SYNE1: variants seen among roughly 807,000 people sequenced by gnomAD.
SYNE1 encodes the protein spectrin repeat containing nuclear envelope protein 1.
A neutral mutation model predicts 1,111.0 loss-of-function variants in SYNE1; 616 were observed. That is an observed-to-expected ratio of 0.55 (90% CI 0.52 to 0.59). SYNE1 has a LOEUF of 0.59. Ranked by LOEUF, SYNE1 falls within the 20% of genes least tolerant of loss-of-function variation. SYNE1 has a pLI of 0.00. For synonymous variants in SYNE1, 3,855 were observed against 3,825.8 expected (o/e 1.01, Z -0.28); for missense variants, 10,006 against 10,417.0 (o/e 0.96, Z 1.72).
intron 93 of SYNE1, among the ~76,000 whole-genome samples, chr6:152,294,725 C>CA (rs1233749175): frequency 6.0e-5 from 9 of 150,946 alleles, no homozygotes; most frequent in Admixed American, 3.3e-4. Flanking sequence ...AGTATACACA[C>CA]AAAAAAAACA....
chr6:152,189,142 G>A (rs566291074), intron 128 of SYNE1, 110 bp downstream of exon 128: 35 of 1,119,554 alleles, frequency 3.1e-5, no homozygotes, highest in Non-Finnish European at 3.9e-5. Flanking sequence ...TCCTTTGTCC[G>A]TACTAAGAAT....
intron 138 of SYNE1, 64 bp downstream of exon 138, chr6:152,143,559 A>G: frequency 6.2e-7 from 1 of 1,612,012 alleles, no homozygotes. Flanking sequence ...CTGCAGACGA[A>G]CTGTTCTTTG....
chr6:152,249,575 A>C (rs2088489141), intron 104 of SYNE1, among the ~76,000 whole-genome samples: 1 of 152,226 alleles, frequency 6.6e-6, no homozygotes, highest in South Asian at 2.1e-4. Flanking sequence ...CAAACATTGC[A>C]CAGAAATATT....
intron 145 of SYNE1, chr6:152,127,264 C>A (rs1236252266): frequency 4.6e-5 from 7 of 152,124 alleles, no homozygotes; most frequent in Non-Finnish European, 8.8e-5. Context: ...GACCTGGGTT[C>A]AAATCCTACA....
intron 145 of SYNE1, among the ~76,000 whole-genome samples, chr6:152,124,448 C>T (rs983243215): frequency 2.0e-5 from 3 of 152,200 alleles, no homozygotes; most frequent in African/African-American, 7.2e-5. Context: ...ACACAAGTAA[C>T]GGCAGGGTAA....
At position 152,323,632 on chromosome 6, in the gene SYNE1, C is replaced by T. The variant is rs767661502; in HGVS notation, c.15763G>A (p.Asp5255Asn). 5 of 1,614,094 alleles carry T rather than the reference C, an allele frequency of 3.1e-6. No homozygotes were observed. Among genetic ancestry groups the T allele is most frequent in the Admixed American group, 1.7e-5 (1 of 60,000 alleles). The change falls in exon 82 of 146, where the codon GAC becomes AAC. Residue 5255 changes from aspartate to asparagine, a missense_variant. Physicochemically the swap from Asp to Asn is conservative, Grantham distance 23. Transcript: ENST00000367255. ...AELLTLLEYHDTFVLELEQQQ... is the reference protein window; with the variant it reads ...AELLTLLEYHNTFVLELEQQQ... ...TGCTCCAGCTCCAGAACGAACGTGTCGTGGTATTCAAGAAGAGTTAAGAGC... is the reference window on the plus strand; with the variant it reads ...TGCTCCAGCTCCAGAACGAACGTGTTGTGGTATTCAAGAAGAGTTAAGAGC...
At chr6:152,377,086 C>T (rs1348580607) in intron 56 of SYNE1, among the ~76,000 whole-genome samples, 174 bp from the exon 57 acceptor site, 1 of 152,118 alleles carries the variant, frequency 6.6e-6, no homozygotes, top group Non-Finnish European at 1.5e-5. Context: ...AATAATAGCA[C>T]CTGGCTCATT....
intron 95 of SYNE1, among the ~76,000 whole-genome samples, chr6:152,284,610 ATTTTTTTTTT>A (rs760978831): frequency 7.4e-5 from 8 of 108,150 alleles, no homozygotes; most frequent in African/African-American, 2.2e-4. Context: ...ACACCTGGTA[ATTTTTTTTTT>A]TTTTTTTTTT....
chr6:152,429,033 A>G (rs2098402336), intron 36 of SYNE1, among the ~76,000 whole-genome samples: 1 of 151,284 alleles, frequency 6.6e-6, no homozygotes, highest in Non-Finnish European at 1.5e-5. Flanking sequence ...AATCACTCCA[A>G]AAAATACATA....
chr6:152,142,720 A>G (rs1308492200), intron 138 of SYNE1, among the ~76,000 whole-genome samples: 1 of 152,252 alleles, frequency 6.6e-6, no homozygotes, highest in Admixed American at 6.5e-5. Flanking sequence ...TGGTTTCACT[A>G]TAATAGAAGT....
intron 115 of SYNE1, among the ~76,000 whole-genome samples, chr6:152,228,451 C>G (rs12528883): frequency 0.24 from 36,529 of 151,618 alleles, 4,694 homozygotes; most frequent in East Asian, 0.51. Context: ...AGGTGTCTCC[C>G]TGTTAAATAG....
At chr6:152,278,846 C>A (rs764558938) in intron 97 of SYNE1, among the ~76,000 whole-genome samples, 1 of 152,082 alleles carries the variant, frequency 6.6e-6, no homozygotes, top group Non-Finnish European at 1.5e-5. Context: ...TGGCTCACTG[C>A]GGCCTCCATC....
chr6:152,526,309 T>C, intron 4 of SYNE1, 134 bp from the exon 5 acceptor site: 1 of 860,394 alleles, frequency 1.2e-6, no homozygotes, highest in Non-Finnish European at 1.9e-6. Flanking sequence ...TTCTTTATTT[T>C]GGATTGAGTT....
At chr6:152,486,932 C>G (rs994207884) in intron 12 of SYNE1, among the ~76,000 whole-genome samples, 7 of 152,202 alleles carry the variant, frequency 4.6e-5, no homozygotes, top group African/African-American at 1.7e-4. Context: ...GAATATATTA[C>G]AGAATATAAT....
chr6:152,231,032 G>T (rs73005444), intron 114 of SYNE1, among the ~76,000 whole-genome samples: 3 of 152,058 alleles, frequency 2.0e-5, no homozygotes, highest in Non-Finnish European at 2.9e-5. Flanking sequence ...GTCCTGGGCC[G>T]CATGCAGCCC....
At chr6:152,205,079 A>T (rs1587768655) in intron 126 of SYNE1, among the ~76,000 whole-genome samples, 1 of 152,144 alleles carries the variant, frequency 6.6e-6, no homozygotes, top group South Asian at 2.1e-4. Flanking sequence ...TACTACACAG[A>T]AGGCAATATA....
In SYNE1 at chr6:152,236,870, C is replaced by T. The variant is rs1450779018; in HGVS notation, c.20146G>A (p.Gly6716Ser). 1 of 1,614,136 alleles carries T rather than the reference C, an allele frequency of 6.2e-7. No individual in the cohort carries two copies. Among genetic ancestry groups the T allele is most frequent in the Non-Finnish European group, 8.5e-7 (1 of 1,180,024 alleles). The stretch of plus-strand genomic sequence containing the variant: ...CTGTCCTCGTTCTCCTCCACCAGAC[C>T]CACGCTTGGGATGCTGCTTTCCACC... The part of the protein sequence containing the change: ...EVVESSIPSV[G>S]LVEENEDRLI... Residue 6716 changes from glycine (G) to serine (S), a missense_variant, in exon 109 of 146, where the codon GGT becomes AGT. Gly to Ser is a moderately conservative substitution (Grantham distance 56). Around this residue, in one of 7 missense-constraint regions of SYNE1, gnomAD observed 2,182 missense variants for 2,287.8 expected, o/e 0.95. Transcript: ENST00000367255.
In SYNE1 at chr6:152,166,249, C is replaced by T. The variant is rs145589487; in HGVS notation, c.23628-1924G>A. Among the ~76,000 whole-genome samples the T allele has an allele frequency of 1.5e-4, 23 of 152,330 alleles. 1 individual carries two copies. In the East Asian group the frequency reaches 4.0e-3, roughly 27 times the overall value. On this transcript the variant is annotated intron_variant, in intron 130 of 145. Transcript: ENST00000367255. Reference sequence around the variant, plus strand: ...TGTGAATTTCTATATTTGGCTATTTCCCTACCCCGGCCATGCTAAACTCAG... The same window carrying T: ...TGTGAATTTCTATATTTGGCTATTTTCCTACCCCGGCCATGCTAAACTCAG...
chr6:152,510,516 G>T (rs1331292130), intron 7 of SYNE1, 145 bp from the exon 8 acceptor site: 2 of 887,778 alleles, frequency 2.3e-6, no homozygotes, highest in East Asian at 2.6e-5. Flanking sequence ...GGGCATGATT[G>T]ATATCTTACT....
Sources: allele counts gnomAD v4.1 joint callset (sites outside exome capture counted in the v4.1 genomes callset), GRCh38; gene constraint gnomAD v4.1.1; regional missense constraint gnomAD v4.1.1; transcripts MANE v1.5; gene names NCBI Gene and HGNC (gene_info 2026-07-23, HGNC 2026-07-21).